Variants in FNDC3A observed in about 807,000 individuals in gnomAD.
The protein encoded by FNDC3A is fibronectin type III domain containing 3A, also known as fibronectin type-III domain-containing protein 3A.
A neutral mutation model predicts 148.9 loss-of-function variants in FNDC3A; 32 were observed. The ratio of observed to expected loss-of-function variants is 0.21; its 90% CI spans 0.16 to 0.29. FNDC3A has a LOEUF of 0.29. Ranked by LOEUF, FNDC3A falls within the 10% of genes least tolerant of loss-of-function variation. The pLI, the probability that FNDC3A is intolerant of heterozygous loss-of-function variation, is 1.00. For missense variants in FNDC3A, 1,191 were observed against 1,452.8 expected, an observed-to-expected ratio of 0.82 and a Z score of 2.93; for synonymous variants, 472 against 473.6, an observed-to-expected ratio of 1.00 and a Z score of 0.04.
chr13:49,137,954 A>G (rs867960781), intron 6 of FNDC3A, among the ~76,000 whole-genome samples: 3 of 152,184 alleles, frequency 2.0e-5, no homozygotes, highest in Non-Finnish European at 4.4e-5. Flanking sequence ...CCATACCAAC[A>G]TGTCATTTCA....
chr13:49,138,444 C>G (rs762445344), intron 6 of FNDC3A, among the ~76,000 whole-genome samples: 4 of 151,830 alleles, frequency 2.6e-5, no homozygotes, highest in Non-Finnish European at 5.9e-5. Context: ...TTCTTACAAC[C>G]ATGAATAAAA....
chr13:49,185,497 G>A (rs1472699897), intron 14 of FNDC3A, among the ~76,000 whole-genome samples: 4 of 152,070 alleles, frequency 2.6e-5, no homozygotes, highest in African/African-American at 7.2e-5. Context: ...TACACACACC[G>A]TCATTTCTGC....
At chr13:49,017,692 A>T (rs1475334153) in intron 2 of FNDC3A, among the ~76,000 whole-genome samples, 1 of 150,876 alleles carries the variant, frequency 6.6e-6, no homozygotes. Context: ...GTTTCTTCCT[A>T]TTCTCGATGG....
At chr13:49,028,633 A>G (rs1378780860) in intron 2 of FNDC3A, among the ~76,000 whole-genome samples, 2 of 152,220 alleles carry the variant, frequency 1.3e-5, no homozygotes, top group Admixed American at 1.3e-4. Flanking sequence ...AAATGACTAT[A>G]CTAATAATTG....
chr13:49,173,812 A>T lies in FNDC3A; in HGVS notation c.1231-623A>T, dbSNP rs1884887108. Reference sequence around the variant, plus strand: ...TTTTATCTCTAGCAACACAATAAAGAAAAATGGGTGGCAAATGTGAAACTT... The same window carrying T: ...TTTTATCTCTAGCAACACAATAAAGTAAAATGGGTGGCAAATGTGAAACTT... On this transcript the variant is annotated intron_variant, in intron 11 of 25. Transcript: ENST00000492622. Among the ~76,000 whole-genome samples, 2 of 152,188 alleles carry T rather than the reference A, an allele frequency of 1.3e-5. 1 individual carries two copies. Among genetic ancestry groups the T allele is most frequent in the Admixed American group, 1.3e-4 (2 of 15,278 alleles).
chr13:49,161,251 G>C (rs1884094008), intron 8 of FNDC3A, among the ~76,000 whole-genome samples: 1 of 152,152 alleles, frequency 6.6e-6, no homozygotes, highest in African/African-American at 2.4e-5. Flanking sequence ...ATGTGTGGGA[G>C]TCTAAGTCTC....
At chr13:48,990,666 T>A (rs565157284) in intron 1 of FNDC3A, among the ~76,000 whole-genome samples, 1 of 150,788 alleles carries the variant, frequency 6.6e-6, no homozygotes, top group South Asian at 2.1e-4. Context: ...GAAGGCTAAG[T>A]TGGGAGGATC....
intron 4 of FNDC3A, 69 bp downstream of exon 4, chr13:49,114,800 A>T: frequency 9.1e-7 from 1 of 1,101,968 alleles, no homozygotes; most frequent in African/African-American, 1.5e-5. Flanking sequence ...TTTGACTTTG[A>T]TTTTGATTTA....
At chr13:49,063,682 T>G (rs1413583303) in intron 2 of FNDC3A, among the ~76,000 whole-genome samples, 1 of 152,160 alleles carries the variant, frequency 6.6e-6, no homozygotes, top group Non-Finnish European at 1.5e-5. Context: ...CAAAATATCT[T>G]TAAACAATTG....
intron 19 of FNDC3A, among the ~76,000 whole-genome samples, chr13:49,195,437 A>C (rs1886099333): frequency 6.6e-6 from 1 of 152,208 alleles, no homozygotes; most frequent in Non-Finnish European, 1.5e-5. Flanking sequence ...TGATACTCTG[A>C]ATAAGTATGG....
At chr13:48,986,137 T>C (rs1290176637) in intron 1 of FNDC3A, among the ~76,000 whole-genome samples, 1 of 152,232 alleles carries the variant, frequency 6.6e-6, no homozygotes, top group Non-Finnish European at 1.5e-5. Flanking sequence ...TCTTAACCTC[T>C]ATAACTACAA....
chr13:49,013,754 C>T (rs1392171813), intron 2 of FNDC3A, among the ~76,000 whole-genome samples: 1 of 110,952 alleles, frequency 9.0e-6, no homozygotes, highest in Non-Finnish European at 1.9e-5. Flanking sequence ...CCCCTCCCCC[C>T]ACCCCACAAC....
At chr13:49,055,590 C>T (rs1465044668) in intron 2 of FNDC3A, among the ~76,000 whole-genome samples, 1 of 152,210 alleles carries the variant, frequency 6.6e-6, no homozygotes, top group Non-Finnish European at 1.5e-5. Context: ...TTGGTCTCCA[C>T]AACCCCTTAT....
chr13:49,148,443 T>C (rs780979607), intron 8 of FNDC3A, among the ~76,000 whole-genome samples: 20 of 152,212 alleles, frequency 1.3e-4, no homozygotes, highest in Non-Finnish European at 2.6e-4. Flanking sequence ...TATCCAATTT[T>C]CCTAGCAGCA....
At chr13:49,024,220 T>C (rs1024012189) in intron 2 of FNDC3A, among the ~76,000 whole-genome samples, 15 of 151,934 alleles carry the variant, frequency 9.9e-5, no homozygotes, top group African/African-American at 3.1e-4. Flanking sequence ...AGTAATGAGA[T>C]TGAATTTTTA....
In FNDC3A at chr13:49,175,383, G is replaced by A. The variant is rs762553646; in HGVS notation, c.1372G>A (p.Val458Ile). The change falls in exon 13 of 26, where the codon GTC becomes ATC. Residue 458 changes from valine to isoleucine, a missense_variant. By Grantham distance (29) the Val-to-Ile change is conservative (BLOSUM62 3). This residue lies in a region of FNDC3A where 751 missense variants were observed against 944.0 expected (regional missense o/e 0.80). Transcript: ENST00000492622. ...DYGTSGFSEE[V>I]LYYTSGCAPS... ...TTTCAACAGTGGTTTTAGTGAAGAA[G>A]TCTTATATTACACCTCAGGCTGTGC... 6.3e-7 allele frequency: 1 copy of A among 1,584,288 alleles called. No homozygotes were observed. The highest frequency in any genetic ancestry group is 1.9e-5 in the Admixed American group (1 of 53,994).
chr13:49,201,520 GA>G (rs1472214270), intron 23 of FNDC3A, among the ~76,000 whole-genome samples: 3 of 152,096 alleles, frequency 2.0e-5, no homozygotes, highest in Non-Finnish European at 2.9e-5. Context: ...AGCTAAACCG[GA>G]AGCCTGAGAA....
At chr13:49,004,679 G>A (rs1274097998) in intron 1 of FNDC3A, among the ~76,000 whole-genome samples, 2 of 151,872 alleles carry the variant, frequency 1.3e-5, no homozygotes, top group Admixed American at 6.6e-5. Context: ...ATGGCGGCCT[G>A]CAGTTTTAGC....
At chr13:49,190,776 C>T (rs1399517354) in intron 17 of FNDC3A, among the ~76,000 whole-genome samples, 1 of 152,026 alleles carries the variant, frequency 6.6e-6, no homozygotes, top group South Asian at 2.1e-4. Flanking sequence ...TTTTCAGTAA[C>T]TTGCTTTGTA....
Sources: allele counts gnomAD v4.1 joint callset (sites outside exome capture counted in the v4.1 genomes callset), GRCh38; gene constraint gnomAD v4.1.1; regional missense constraint gnomAD v4.1.1; transcripts MANE v1.5; gene names NCBI Gene and HGNC (gene_info 2026-07-23, HGNC 2026-07-21).